TMEM74: variants seen among roughly 807,000 people sequenced by gnomAD.
The protein encoded by TMEM74 is transmembrane protein 74.
A neutral mutation model predicts 18.1 loss-of-function variants in TMEM74; 13 were observed. That is an observed-to-expected ratio of 0.72 (90% confidence interval 0.47 to 1.14). The LOEUF (loss-of-function observed/expected upper bound fraction) is 1.14, where lower values mean the gene tolerates loss of function less well. TMEM74 is among the 50% of genes most tolerant of loss of function. TMEM74 has a pLI of 0.00. For missense variants in TMEM74, 372 were observed against 375.9 expected (o/e 0.99, Z 0.09); for synonymous variants, 159 against 146.6 (o/e 1.08, Z -0.61).
chr8:108,652,281 A>G (rs1812782501), intron 2 of TMEM74: 1 of 156,416 alleles, frequency 6.4e-6, no homozygotes, highest in Admixed American at 6.5e-5. Context: ...AAAGAAAGGG[A>G]AGTAGATGTG....
At chr8:108,636,639 A>G (rs1258879712) in intron 2 of TMEM74, among the ~76,000 whole-genome samples, 1 of 151,976 alleles carries the variant, frequency 6.6e-6, no homozygotes, top group East Asian at 1.9e-4. Context: ...TCTGTGAAGA[A>G]CCCAACAGCC....
At chr8:108,738,633 C>T (rs1813770728) in intron 1 of TMEM74, among the ~76,000 whole-genome samples, 1 of 152,170 alleles carries the variant, frequency 6.6e-6, no homozygotes, top group Non-Finnish European at 1.5e-5. Flanking sequence ...AGCCATGCAT[C>T]AAGGGACAGA....
intron 1 of TMEM74, among the ~76,000 whole-genome samples, chr8:108,681,850 G>T (rs750707551): frequency 6.6e-6 from 1 of 152,106 alleles, no homozygotes; most frequent in Non-Finnish European, 1.5e-5. Context: ...AAATAAAAAA[G>T]TCATCACCTA....
At chr8:108,742,730 C>G (rs921778288) in intron 1 of TMEM74, among the ~76,000 whole-genome samples, 3 of 151,588 alleles carry the variant, frequency 2.0e-5, no homozygotes, top group African/African-American at 7.3e-5. Flanking sequence ...TACTTACCAT[C>G]TATATACACC....
intron 2 of TMEM74, among the ~76,000 whole-genome samples, chr8:108,647,960 G>A (rs1014801801): frequency 1.3e-5 from 2 of 152,140 alleles, no homozygotes; most frequent in Non-Finnish European, 2.9e-5. Context: ...AATTTGGCCA[G>A]GAAAAGATAA....
At chr8:108,662,323 A>G (rs932239018) in intron 1 of TMEM74, among the ~76,000 whole-genome samples, 4 of 152,060 alleles carry the variant, frequency 2.6e-5, no homozygotes, top group Non-Finnish European at 5.9e-5. Flanking sequence ...AAACAAACAG[A>G]TAGGCAGTGA....
Position 108,768,607 on chromosome 8 carries a change from G to A in TMEM74, n.119+18869C>T, listed in dbSNP as rs563954814. Among the ~76,000 whole-genome samples the A allele has an allele frequency of 2.9e-4, 44 of 152,218 alleles. No homozygotes were observed. In the South Asian group the frequency reaches 8.3e-3, roughly 29 times the overall value. Reference sequence around the variant, plus strand: ...AAGTGTTGTAGACTTTCACACCCGCGTTTCCCTCCCCTGTCATAGCACAAC... The same window carrying A: ...AAGTGTTGTAGACTTTCACACCCGCATTTCCCTCCCCTGTCATAGCACAAC... On this transcript the variant is annotated intron_variant and non_coding_transcript_variant, in intron 1 of 3. Transcript: ENST00000518838.
At chr8:108,619,779 G>A (rs1182281510) in intron 2 of TMEM74, among the ~76,000 whole-genome samples, 3 of 152,122 alleles carry the variant, frequency 2.0e-5, no homozygotes, top group African/African-American at 7.2e-5. Context: ...TGTTCAAAAC[G>A]TAAAAAAGTC....
At chr8:108,728,346 A>G (rs938307282) in intron 1 of TMEM74, among the ~76,000 whole-genome samples, 2 of 152,186 alleles carry the variant, frequency 1.3e-5, no homozygotes, top group Non-Finnish European at 2.9e-5. Flanking sequence ...TATAGACATC[A>G]GCTTTAGATA....
intron 1 of TMEM74, among the ~76,000 whole-genome samples, chr8:108,729,986 A>G (rs1813677844): frequency 6.6e-6 from 1 of 152,186 alleles, no homozygotes; most frequent in Non-Finnish European, 1.5e-5. Context: ...CCCCACGAAT[A>G]CTTCCAAAGT....
At chr8:108,674,690 A>G (rs1407356601) in intron 1 of TMEM74, among the ~76,000 whole-genome samples, 1 of 152,174 alleles carries the variant, frequency 6.6e-6, no homozygotes, top group African/African-American at 2.4e-5. Flanking sequence ...TTGGACCAAA[A>G]ATACTTGTAG....
chr8:108,677,944 T>C (rs1336211427), intron 1 of TMEM74, among the ~76,000 whole-genome samples: 1 of 152,194 alleles, frequency 6.6e-6, no homozygotes, highest in Admixed American at 6.6e-5. Context: ...TTTTTTCTAT[T>C]ACTAACTTGT....
At chr8:108,678,530 A>ATT (rs5893929) in intron 1 of TMEM74, among the ~76,000 whole-genome samples, 103 of 138,840 alleles carry the variant, frequency 7.4e-4, no homozygotes, top group East Asian at 3.4e-3. Flanking sequence ...GCACCCAGCT[A>ATT]TTTTTTTTTT....
chr8:108,614,087 T>C (rs1324867355), intron 2 of TMEM74, among the ~76,000 whole-genome samples: 2 of 150,020 alleles, frequency 1.3e-5, no homozygotes, highest in East Asian at 3.9e-4. Context: ...TGAACTGAAA[T>C]AATCTTTAAT....
In TMEM74 at chr8:108,784,233, T is replaced by A. The variant is rs771474099; in HGVS notation, c.866A>T (p.Asn289Ile). 3 of 1,614,096 alleles carry A rather than the reference T, an allele frequency of 1.9e-6. No homozygotes were observed. In the South Asian group the frequency reaches 3.3e-5, roughly 18 times the overall value. The change falls in exon 2 of 2, where the codon AAC (asparagine) becomes ATC (isoleucine). Residue 289 changes from asparagine (N) to isoleucine (I), a missense_variant. Transcript: ENST00000297459. ...CTCTACCAAGGACAGTTCCAGAGTG[T>A]TTTCATTCGTGCTGGTTTTCATCCT... ...NFRMKTSTNENTLELSLVEED... is the reference protein window; with the variant it reads ...NFRMKTSTNEITLELSLVEED...
At chr8:108,755,614 C>T (rs1005250840) in intron 1 of TMEM74, among the ~76,000 whole-genome samples, 1 of 152,012 alleles carries the variant, frequency 6.6e-6, no homozygotes, top group African/African-American at 2.4e-5. Flanking sequence ...AATAACTCAT[C>T]CAAATCAATC....
intron 1 of TMEM74, among the ~76,000 whole-genome samples, chr8:108,723,111 A>G (rs1219462857): frequency 5.3e-5 from 8 of 152,054 alleles, no homozygotes; most frequent in Non-Finnish European, 1.0e-4. Context: ...TGACCCTTAG[A>G]GGGAGCTCCA....
At chr8:108,766,791 C>T (rs929901288) in intron 1 of TMEM74, among the ~76,000 whole-genome samples, 3 of 152,124 alleles carry the variant, frequency 2.0e-5, no homozygotes, top group African/African-American at 4.8e-5. Flanking sequence ...AAGCCGCCAG[C>T]GCAGCTTTCA....
intron 2 of TMEM74, among the ~76,000 whole-genome samples, chr8:108,637,747 G>A (rs1285239966): frequency 1.3e-5 from 2 of 152,170 alleles, no homozygotes; most frequent in African/African-American, 2.4e-5. Flanking sequence ...CTGACCTCTA[G>A]AAATGTAAAA....
Sources: allele counts gnomAD v4.1 joint callset (sites outside exome capture counted in the v4.1 genomes callset), GRCh38; gene constraint gnomAD v4.1.1; transcripts MANE v1.5; gene names NCBI Gene and HGNC (gene_info 2026-07-23, HGNC 2026-07-21).